The following MDN1 variants were observed in gnomAD, a reference collection of about 807,000 sequenced individuals.
MDN1 encodes the protein midasin AAA ATPase 1, also known as midasin.
MDN1 carries 266 observed loss-of-function variants against 669.2 expected under a neutral mutation model. That is an observed-to-expected ratio of 0.40 (90% confidence interval 0.36 to 0.44). The LOEUF (loss-of-function observed/expected upper bound fraction) is 0.44, where lower values mean the gene tolerates loss of function less well. Ranked by LOEUF, MDN1 falls within the 20% of genes least tolerant of loss-of-function variation. MDN1 has a pLI of 1.00. For synonymous variants in MDN1, 2,385 were observed against 2,457.1 expected (o/e 0.97, Z 0.87); for missense variants, 5,940 against 6,754.0 (o/e 0.88, Z 4.22).
At chr6:89,672,495 T>C (rs2128304272) in intron 81 of MDN1, 52 bp downstream of exon 81, 1 of 1,597,422 alleles carries the variant, frequency 6.3e-7, no homozygotes, top group South Asian at 1.1e-5. Flanking sequence ...AATCATCAAA[T>C]ACAAAAATTA....
chr6:89,661,345 G>T, intron 88 of MDN1, 86 bp downstream of exon 88: 1 of 1,455,036 alleles, frequency 6.9e-7, no homozygotes, highest in Non-Finnish European at 9.3e-7. Context: ...ACCTGGCCAT[G>T]ACACTGAGCT....
chr6:89,697,191 G>A (rs1353531098), intron 59 of MDN1, among the ~76,000 whole-genome samples: 2 of 152,176 alleles, frequency 1.3e-5, no homozygotes, highest in Non-Finnish European at 2.9e-5. Flanking sequence ...ACATGAGAGT[G>A]GAAAGGAGGA....
intron 2 of MDN1, among the ~76,000 whole-genome samples, chr6:89,801,304 A>G (rs1211787598): frequency 2.6e-5 from 4 of 152,228 alleles, no homozygotes; most frequent in African/African-American, 9.6e-5. Context: ...CAGGCAGATC[A>G]CTTGAGGCCA....
chr6:89,746,001 G>A (rs113324158), intron 27 of MDN1, among the ~76,000 whole-genome samples: 70 of 152,294 alleles, frequency 4.6e-4, no homozygotes, highest in African/African-American at 1.4e-3. Context: ...AAAGAATGAA[G>A]TCCTGATACA....
chr6:89,734,691 A>AAGAGAGAGAGAGAGAGAGAGAGAGAGAG (rs1554188772), intron 33 of MDN1, among the ~76,000 whole-genome samples: 1 of 112,994 alleles, frequency 8.9e-6, no homozygotes, highest in African/African-American at 3.5e-5. Flanking sequence ...AAAAAAAAAC[A>AAGAGAGAGAGAGAGAGAGAGAGAGAGAG]AGAGAGAGAG....
chr6:89,759,569 G>A (rs1368676864), intron 17 of MDN1, among the ~76,000 whole-genome samples: 1 of 152,080 alleles, frequency 6.6e-6, no homozygotes, highest in Non-Finnish European at 1.5e-5. Context: ...TTCGACACCA[G>A]CCTGACCAAC....
At chr6:89,647,879 G>C (rs1291726601) in intron 99 of MDN1, among the ~76,000 whole-genome samples, 153 bp downstream of exon 99, 1 of 152,128 alleles carries the variant, frequency 6.6e-6, no homozygotes, top group Admixed American at 6.5e-5. Flanking sequence ...CTTGAGCCCG[G>C]GAGTTCGAAG....
At chr6:89,725,417 A>G (rs753227156) in intron 37 of MDN1, 21 bp from the exon 38 acceptor site, 5 of 1,589,172 alleles carry the variant, frequency 3.1e-6, no homozygotes, top group Non-Finnish European at 3.5e-6. Context: ...AAGAAAGTAC[A>G]TAATTTGTCT....
rs181796801 is a variant in MDN1 at position 89,649,012 on chromosome 6, A to G, written c.16207-683T>C. On this transcript the variant is annotated intron_variant, in intron 97 of 101. Coordinates refer to ENST00000369393, the MANE Select transcript of MDN1 (RefSeq NM_014611.3). The stretch of plus-strand genomic sequence containing the variant: ...TTTAAAAAAAAAAAAAAAAAGAAAG[A>G]AAGTGACCTTGAGAAATATGGTCCA... Among the ~76,000 whole-genome samples, 8 of 151,714 alleles carry G rather than the reference A, an allele frequency of 5.3e-5. No homozygotes were observed. In the East Asian group the frequency reaches 1.5e-3, roughly 29 times the overall value.
chr6:89,784,978 T>C (rs1179949163), intron 9 of MDN1, 34 bp downstream of exon 9: 5 of 1,408,328 alleles, frequency 3.6e-6, no homozygotes, highest in Non-Finnish European at 5.0e-6. Context: ...CCACTGCACC[T>C]GGCCAGCATT....
chr6:89,712,449 AACTATGAC>A, intron 48 of MDN1, 118 bp downstream of exon 48: 1 of 1,067,978 alleles, frequency 9.4e-7, no homozygotes, highest in Non-Finnish European at 1.4e-6. Context: ...TGAACAATAA[AACTATGAC>A]AGCTACACAA....
chr6:89,659,494 G>A (rs1220219373), intron 88 of MDN1, among the ~76,000 whole-genome samples: 1 of 152,232 alleles, frequency 6.6e-6, no homozygotes, highest in African/African-American at 2.4e-5. Flanking sequence ...TTGCAATCGA[G>A]AGCTTATGGT....
At position 89,758,972 on chromosome 6, in the gene MDN1, T is replaced by C. The variant is rs1268102107; in HGVS notation, c.2461-12A>G. On this transcript the variant is annotated splice_polypyrimidine_tract_variant and intron_variant, in intron 17 of 101. Transcript: ENST00000369393. ...TGAGCTAATGTACCCTAGAAAAAGA[T>C]AAAATAAAATGTTAACAATGTGTCA... The C allele has an allele frequency of 1.8e-5, 29 of 1,611,146 alleles. No individual in the cohort carries two copies. Among genetic ancestry groups the C allele is most frequent in the Non-Finnish European group, 2.5e-5 (29 of 1,177,880 alleles).
intron 84 of MDN1, among the ~76,000 whole-genome samples, chr6:89,665,782 A>G (rs1238222002): frequency 6.7e-5 from 10 of 148,218 alleles, no homozygotes; most frequent in Admixed American, 6.7e-4. Flanking sequence ...GTTCACGCCT[A>G]TAATCCCAGC....
intron 1 of MDN1, among the ~76,000 whole-genome samples, chr6:89,803,911 TTTTTTTTG>T (rs1475780333): frequency 1.9e-4 from 22 of 114,248 alleles, no homozygotes; most frequent in Non-Finnish European, 2.1e-4. Flanking sequence ...TTTTTTTTTT[TTTTTTTTG>T]GAGACAGAGT....
chr6:89,790,453 C>G (rs760693020), intron 5 of MDN1, 52 bp from the exon 6 acceptor site: 2 of 1,609,686 alleles, frequency 1.2e-6, no homozygotes, highest in Non-Finnish European at 1.7e-6. Context: ...CCCCAAGGAA[C>G]CGAAGTTAAT....
intron 13 of MDN1, among the ~76,000 whole-genome samples, chr6:89,772,984 T>C (rs1033237736): frequency 1.3e-5 from 2 of 152,214 alleles, no homozygotes; most frequent in African/African-American, 2.4e-5. Context: ...CTGTACTAGT[T>C]AGCTCATCTT....
chr6:89,713,371 T>G lies in MDN1; in HGVS notation c.7070-75A>C. On this transcript the variant is annotated intron_variant, in intron 46 of 101. Transcript: ENST00000369393. ...CAATGAAAATGGATAAATTCTGCCCTCCCATCAAACCTCCTTCCTGTCAAC... is the reference window on the plus strand; with the variant it reads ...CAATGAAAATGGATAAATTCTGCCCGCCCATCAAACCTCCTTCCTGTCAAC... 2.2e-6 allele frequency: 3 copies of G among 1,362,974 alleles called. No individual in the cohort carries two copies. In the Middle Eastern group the frequency reaches 7.2e-4, roughly 328 times the overall value. 84.4% of individuals were successfully genotyped at this position (1,362,974 alleles called of 1,614,324 possible).
At chr6:89,769,167 T>C (rs1817961953) in intron 15 of MDN1, among the ~76,000 whole-genome samples, 1 of 152,278 alleles carries the variant, frequency 6.6e-6, no homozygotes, top group Middle Eastern at 3.4e-3. Flanking sequence ...CAACACGGCC[T>C]GAGGATAGGA....
Sources: allele counts gnomAD v4.1 joint callset (sites outside exome capture counted in the v4.1 genomes callset), GRCh38; gene constraint gnomAD v4.1.1; transcripts MANE v1.5; gene names NCBI Gene and HGNC (gene_info 2026-07-23, HGNC 2026-07-21).